Variants in MYL7 observed in about 807,000 individuals in gnomAD.
The protein encoded by MYL7 is myosin regulatory light chain 2, atrial isoform.
Under a neutral mutation model 22.5 loss-of-function variants are expected in MYL7, and 27 were observed. The ratio of observed to expected loss-of-function variants is 1.20; its 90% CI spans 0.89 to 1.66. The LOEUF (loss-of-function observed/expected upper bound fraction) is 1.66. MYL7 is among the 40% of genes most tolerant of loss of function. MYL7 has a pLI of 0.00. For synonymous variants in MYL7, 81 were observed against 84.4 expected, an observed-to-expected ratio of 0.96 and a Z score of 0.22; for missense variants, 209 against 226.8, an observed-to-expected ratio of 0.92 and a Z score of 0.50.
chr7:44,139,017 C>T lies in MYL7; in HGVS notation c.432G>A (p.Glu144=), dbSNP rs764159320. The change falls in exon 7 of 7, where the codon GAG becomes GAA. Residue 144 remains glutamate (E), a synonymous_variant. Transcript: ENST00000223364. ...CCATGGGTGTCAGGGCGAACATCTG[C>T]TCCACCTGCAGGGGACACTGGTGAG... The part of the protein sequence containing the change: ...QADKFSPAEV[E]QMFALTPMDL... 6.2e-7 allele frequency: 1 copy of T among 1,613,962 alleles called. No homozygotes were observed. The highest frequency in any genetic ancestry group is 1.1e-5 in the South Asian group (1 of 91,084).
At position 44,141,020 on chromosome 7, in the gene MYL7, G is replaced by C. The variant is rs768608560; in HGVS notation, c.58C>G (p.Arg20Gly). The part of the protein sequence containing the change: ...GKVAATKQAQ[R>G]GSSNVFSMFE... The stretch of plus-strand genomic sequence containing the variant: ...ATGGAAAAGACGTTGGAAGAACCAC[G>C]TTGGGCCTGCTTGGTGGCTGCCACC... Residue 20 changes from arginine (R) to glycine (G), a missense_variant, in exon 2 of 7, where the codon CGT becomes GGT. Coordinates refer to ENST00000223364, the MANE Select transcript of MYL7 (RefSeq NM_021223.3). 1 of 1,613,996 alleles carries C rather than the reference G, an allele frequency of 6.2e-7. No homozygotes were observed. The highest frequency in any genetic ancestry group is 1.1e-5 in the South Asian group (1 of 91,088).
intron 5 of MYL7, 55 bp from the exon 6 acceptor site, chr7:44,139,624 A>T (rs6953355): frequency 0.063 from 100,143 of 1,582,748 alleles, 5,144 homozygotes; most frequent in African/African-American, 0.22. Flanking sequence ...CTGCACAGGG[A>T]AGGTGGGTAC....
Position 44,139,584 on chromosome 7 carries a change from G to A in MYL7, c.378-15C>T, listed in dbSNP as rs1186119029. On this transcript the variant is annotated splice_polypyrimidine_tract_variant and intron_variant, in intron 5 of 6. Transcript: ENST00000223364. ...GCTGCTTGAACCTGGGGGGTGAGGAGGGTCTGAGCAGGAGACTGCGGGGGA... is the reference window on the plus strand; with the variant it reads ...GCTGCTTGAACCTGGGGGGTGAGGAAGGTCTGAGCAGGAGACTGCGGGGGA... 1.2e-6 allele frequency: 2 copies of A among 1,600,798 alleles called. No homozygotes were observed. Among genetic ancestry groups the A allele is most frequent in the Admixed American group, 1.7e-5 (1 of 58,292 alleles).
chr7:44,139,115 C>G (rs2096262088), intron 6 of MYL7, 93 bp from the exon 7 acceptor site: 3 of 934,120 alleles, frequency 3.2e-6, no homozygotes, highest in African/African-American at 3.3e-5. Context: ...TGTCTGCCCC[C>G]TGCATCTGTG....
intron 6 of MYL7, chr7:44,139,275 T>C (rs1583581480): frequency 9.2e-6 from 6 of 652,728 alleles, no homozygotes; most frequent in Admixed American, 2.3e-5. Context: ...CCACCCCGAG[T>C]GTACGAAACC....
In MYL7 at chr7:44,138,895, C is replaced by A. The variant is rs369581358; in HGVS notation, c.*26G>T. On this transcript the variant is annotated 3_prime_UTR_variant, in exon 7 of 7. Transcript: ENST00000223364. ...TTTTGCAACAGAGTTTATTGAGGTG[C>A]CCCCCCGTGGGCCTGGCCCTGCCCC... 66 of 1,569,212 alleles carry A rather than the reference C, an allele frequency of 4.2e-5. No individual in the cohort carries two copies. Among genetic ancestry groups the A allele is most frequent in the Middle Eastern group, 1.7e-4 (1 of 5,988 alleles).
chr7:44,139,021 A>G lies in MYL7; in HGVS notation c.428T>C (p.Val143Ala), dbSNP rs1232414305. 1.2e-6 allele frequency: 2 copies of G among 1,613,522 alleles called. No homozygotes were observed. Among genetic ancestry groups the G allele is most frequent in the African/African-American group, 1.3e-5 (1 of 74,912 alleles). ...GGGTGTCAGGGCGAACATCTGCTCC[A>G]CCTGCAGGGGACACTGGTGAGTGGC... Reference protein sequence around the residue: ...TQADKFSPAEVEQMFALTPMD... With the variant: ...TQADKFSPAEAEQMFALTPMD... The change falls in exon 7 of 7, where the codon GTG (valine) becomes GCG (alanine). Residue 143 changes from valine to alanine, a missense_variant and splice_region_variant. Transcript: ENST00000223364.
chr7:44,138,898 C>A lies in MYL7; in HGVS notation c.*23G>T. The A allele has an allele frequency of 1.9e-6, 3 of 1,590,618 alleles. No individual in the cohort carries two copies. The highest frequency in any genetic ancestry group is 2.6e-6 in the Non-Finnish European group (3 of 1,158,690). ...TGCAACAGAGTTTATTGAGGTGCCC[C>A]CCCGTGGGCCTGGCCCTGCCCCTCA... On this transcript the variant is annotated 3_prime_UTR_variant, in exon 7 of 7. Transcript: ENST00000223364.
chr7:44,140,844 G>T, intron 2 of MYL7, 57 bp from the exon 3 acceptor site: 1 of 1,605,066 alleles, frequency 6.2e-7, no homozygotes, highest in South Asian at 1.1e-5. Flanking sequence ...AAGGTGGGAG[G>T]TGGGGGAGAG....
In MYL7 at chr7:44,140,350, G is replaced by A; in HGVS notation, c.271C>T (p.Leu91Phe). ...GKGPINFTVF[L>F]TLFGEKLNGT... ...TTGAGCTTCTCCCCAAAGAGCGTGAGGAAGACGGTGAAGTTGATGGGGCCC... is the reference window on the plus strand; with the variant it reads ...TTGAGCTTCTCCCCAAAGAGCGTGAAGAAGACGGTGAAGTTGATGGGGCCC... The change falls in exon 4 of 7, where the codon CTC becomes TTC. Residue 91 changes from leucine to phenylalanine, a missense_variant. Leu to Phe is a conservative substitution (Grantham distance 22). Transcript: ENST00000223364. 6.2e-7 allele frequency: 1 copy of A among 1,614,030 alleles called. No homozygotes were observed. The highest frequency in any genetic ancestry group is 8.5e-7 in the Non-Finnish European group (1 of 1,179,980).
intron 4 of MYL7, 109 bp from the exon 5 acceptor site, chr7:44,139,969 G>C: frequency 1.1e-6 from 1 of 941,146 alleles, no homozygotes; most frequent in Non-Finnish European, 1.6e-6. Flanking sequence ...AAGAGGTGGG[G>C]GTATTCCCTA....
intron 1 of MYL7, 38 bp from the exon 2 acceptor site, chr7:44,141,112 C>T (rs1026570971): frequency 1.3e-6 from 2 of 1,597,430 alleles, no homozygotes; most frequent in Non-Finnish European, 1.7e-6. Context: ...CTCTCCCCAA[C>T]TCCTCAGAGT....
At position 44,140,992 on chromosome 7, in the gene MYL7, A is replaced by G. The variant is rs2096264892; in HGVS notation, c.86T>C (p.Phe29Ser). 1 of 1,613,920 alleles carries G rather than the reference A, an allele frequency of 6.2e-7. No individual in the cohort carries two copies. Among genetic ancestry groups the G allele is most frequent in the Non-Finnish European group, 8.5e-7 (1 of 1,179,930 alleles). ...QRGSSNVFSMFEQAQIQEFKE... is the reference protein window; with the variant it reads ...QRGSSNVFSMSEQAQIQEFKE... ...GAACTCCTGTATCTGGGCTTGTTCA[A>G]ACATGGAAAAGACGTTGGAAGAACC... Residue 29 changes from phenylalanine (F) to serine (S), a missense_variant, in exon 2 of 7, where the codon TTT (phenylalanine) becomes TCT (serine). Coordinates refer to ENST00000223364, the MANE Select transcript of MYL7 (RefSeq NM_021223.3).
Position 44,140,705 on chromosome 7 carries a change from C to T in MYL7, c.193+7G>A, listed in dbSNP as rs200191531. On this transcript the variant is annotated splice_region_variant and intron_variant, in intron 3 of 6. Coordinates refer to ENST00000223364, the MANE Select transcript of MYL7 (RefSeq NM_021223.3). ...CAGTGCGCAGGGTGGGAGGTGGGTGCACGCACCCAGCTGGGAGTAGGTCTC... is the reference window on the plus strand; with the variant it reads ...CAGTGCGCAGGGTGGGAGGTGGGTGTACGCACCCAGCTGGGAGTAGGTCTC... 1,499 of 1,597,370 alleles carry T rather than the reference C, an allele frequency of 9.4e-4. 3 individuals are homozygous for T. Among genetic ancestry groups the T allele is most frequent in the Middle Eastern group, 3.5e-3 (21 of 5,956 alleles).
In MYL7 at chr7:44,140,445, T is replaced by C; in HGVS notation, c.194-18A>G. 1 of 1,602,854 alleles carries C rather than the reference T, an allele frequency of 6.2e-7. No homozygotes were observed. Among genetic ancestry groups the C allele is most frequent in the Non-Finnish European group, 8.5e-7 (1 of 1,172,132 alleles). ...CACCTTCCCTGGTGGGGGTGGGGCA[T>C]GAGGTGCACACAGGGACCCTGGGTG... On this transcript the variant is annotated intron_variant, in intron 3 of 6. Coordinates refer to ENST00000223364, the MANE Select transcript of MYL7 (RefSeq NM_021223.3).
At position 44,140,747 on chromosome 7, in the gene MYL7, C is replaced by A; in HGVS notation, c.158G>T (p.Cys53Phe). The A allele has an allele frequency of 6.2e-7, 1 of 1,612,640 alleles. No individual in the cohort carries two copies. Among genetic ancestry groups the A allele is most frequent in the Non-Finnish European group, 8.5e-7 (1 of 1,179,436 alleles). Residue 53 changes from cysteine (C) to phenylalanine (F), a missense_variant, in exon 3 of 7, where the codon TGC (cysteine) becomes TTC (phenylalanine). Cys to Phe is a radical substitution (Grantham distance 205). Coordinates refer to ENST00000223364, the MANE Select transcript of MYL7 (RefSeq NM_021223.3). Reference sequence around the variant, plus strand: ...GTAGGTCTCCCTCAGGTCTGCCTTGCAGATGATGCCATCACGATTCTGGTC... The same window carrying A: ...GTAGGTCTCCCTCAGGTCTGCCTTGAAGATGATGCCATCACGATTCTGGTC... ...CIDQNRDGII[C>F]KADLRETYSQ...
At position 44,141,017 on chromosome 7, in the gene MYL7, C is replaced by G. The variant is rs544381914; in HGVS notation, c.61G>C (p.Gly21Arg). 1 of 1,613,980 alleles carries G rather than the reference C, an allele frequency of 6.2e-7. No homozygotes were observed. The highest frequency in any genetic ancestry group is 2.2e-5 in the East Asian group (1 of 44,866). Residue 21 changes from glycine (G) to arginine (R), a missense_variant, in exon 2 of 7, where the codon GGT (glycine) becomes CGT (arginine). By Grantham distance (125) the Gly-to-Arg change is moderately radical (BLOSUM62 -2). Transcript: ENST00000223364. ...AACATGGAAAAGACGTTGGAAGAAC[C>G]ACGTTGGGCCTGCTTGGTGGCTGCC... is the stretch of plus-strand genomic sequence containing the variant. The part of the protein sequence containing the change: ...KVAATKQAQR[G>R]SSNVFSMFEQ...
At chr7:44,140,257 G>T (rs2096263634) in intron 4 of MYL7, 66 bp downstream of exon 4, 1 of 1,368,146 alleles carries the variant, frequency 7.3e-7, no homozygotes, top group Non-Finnish European at 1.0e-6. Flanking sequence ...CAGGGTTCAG[G>T]TGGGGTTCAG....
chr7:44,141,089 G>A lies in MYL7; in HGVS notation c.4-15C>T, dbSNP rs749595768. 1 of 1,612,636 alleles carries A rather than the reference G, an allele frequency of 6.2e-7. No individual in the cohort carries two copies. The highest frequency in any genetic ancestry group is 2.2e-5 in the East Asian group (1 of 44,850). On this transcript the variant is annotated splice_polypyrimidine_tract_variant and intron_variant, in intron 1 of 6. Transcript: ENST00000223364. The stretch of plus-strand genomic sequence containing the variant: ...TTCCTGCTGGCCTGCAACACTGTGA[G>A]TAGGGAGGGGTCCTCTCCCCAACTC...
Sources: allele counts gnomAD v4.1 joint callset, GRCh38; gene constraint gnomAD v4.1.1; transcripts MANE v1.5; gene names NCBI Gene and HGNC (gene_info 2026-07-23, HGNC 2026-07-21).